The following TG variants were observed in gnomAD, a reference collection of about 807,000 sequenced individuals.
TG encodes the protein thyroglobulin.
Under a neutral mutation model 324.7 loss-of-function variants are expected in TG, and 270 were observed. The ratio of observed to expected loss-of-function variants is 0.83; its 90% CI spans 0.75 to 0.92. The LOEUF (loss-of-function observed/expected upper bound fraction) is 0.92, where lower values mean the gene tolerates loss of function less well. Among genes scored for constraint, TG ranks in the 40% least tolerant of loss-of-function variants. The pLI, the probability that TG is intolerant of heterozygous loss-of-function variation, is 0.00. For missense variants in TG, 3,591 were observed against 3,456.4 expected (o/e 1.04, Z -0.98); for synonymous variants, 1,401 against 1,327.0 (o/e 1.06, Z -1.21).
At chr8:132,898,735 G>A (rs1817497153) in intron 13 of TG, 63 bp from the exon 14 acceptor site, 1 of 1,473,290 alleles carries the variant, frequency 6.8e-7, no homozygotes, top group Non-Finnish European at 9.5e-7. Context: ...GGGTCAGCCT[G>A]GGATCCCCTC....
rs116837577 is a variant in TG at position 132,964,625 on chromosome 8, A to G, written c.5548+1551A>G. ...TGGTCTCATTGCTTTTAAGGAGGGC[A>G]CATAGTTTTAAGAGAAATAGGAAAT... On this transcript the variant is annotated intron_variant, in intron 29 of 47. Coordinates refer to ENST00000220616, the MANE Select transcript of TG (RefSeq NM_003235.5). 7.1e-6 allele frequency: 3 copies of G among 420,930 alleles called. No individual in the cohort carries two copies. The Admixed American group carries it at 1.2e-4, about 17-fold the overall frequency. The allele number at this position is 420,930 out of a possible 1,614,324, so 26.1% of individuals were successfully genotyped here.
chr8:133,059,107 C>T lies in TG; in HGVS notation c.7239+29084C>T, dbSNP rs575571243. The T allele has an allele frequency of 4.5e-3, 2,065 of 456,320 alleles. 12 individuals are homozygous for T. The highest frequency in any genetic ancestry group is 6.9e-3 in the Non-Finnish European group (1,568 of 226,982). 28.3% of individuals were successfully genotyped at this position (456,320 alleles called of 1,614,324 possible). ...TGGCTCAGTCCACTTCCCTGTCAGG[C>T]TCGGCAGACAGGGCAGCCATCTGCG... is the stretch of plus-strand genomic sequence containing the variant. On this transcript the variant is annotated intron_variant, in intron 41 of 47. Transcript: ENST00000220616.
chr8:132,952,648 A>G (rs142293818), intron 27 of TG, among the ~76,000 whole-genome samples: 11 of 152,360 alleles, frequency 7.2e-5, no homozygotes, highest in African/African-American at 2.6e-4. Context: ...ATTGATTGCC[A>G]GGTGTAGGAA....
At position 132,888,035 on chromosome 8, in the gene TG, A is replaced by C. The variant is rs1268028256; in HGVS notation, c.2228A>C (p.Gln743Pro). The C allele has an allele frequency of 1.9e-6, 3 of 1,614,014 alleles. No homozygotes were observed. The highest frequency in any genetic ancestry group is 1.7e-5 in the Admixed American group (1 of 59,996). The change falls in exon 10 of 48, where the codon CAG becomes CCG. Residue 743 changes from glutamine (Q) to proline (P), a missense_variant. Transcript: ENST00000220616. The stretch of plus-strand genomic sequence containing the variant: ...GAGCAAGCTTTCCTCAGGACGGTGC[A>C]GGCCCTGCTCTCTAACTCCAGCATG... ...QSEQAFLRTV[Q>P]ALLSNSSMLP... is the part of the protein sequence containing the mutation.
In TG at chr8:132,887,135, C is replaced by G; in HGVS notation, c.1763C>G (p.Pro588Arg). 6.2e-7 allele frequency: 1 copy of G among 1,614,194 alleles called. No individual in the cohort carries two copies. Among genetic ancestry groups the G allele is most frequent in the Non-Finnish European group, 8.5e-7 (1 of 1,180,038 alleles). The change falls in exon 9 of 48, where the codon CCA becomes CGA. Residue 588 changes from proline (P) to arginine (R), a missense_variant. Coordinates refer to ENST00000220616, the MANE Select transcript of TG (RefSeq NM_003235.5). Reference protein sequence around the residue: ...LLFLQHAISVPEDVARDLGDV... With the variant: ...LLFLQHAISVREDVARDLGDV... ...TTCTTGCAACATGCTATCTCTGTGCCAGAAGATGTGGCAAGAGATTTAGGT... is the reference window on the plus strand; with the variant it reads ...TTCTTGCAACATGCTATCTCTGTGCGAGAAGATGTGGCAAGAGATTTAGGT...
At chr8:132,960,525 G>A (rs1031163689) in intron 27 of TG, among the ~76,000 whole-genome samples, 11 of 152,220 alleles carry the variant, frequency 7.2e-5, no homozygotes, top group Non-Finnish European at 1.5e-4. Flanking sequence ...ATTATTAATC[G>A]GTTGAGTTGT....
rs374714835 is a variant in TG at position 132,908,270 on chromosome 8, C to T, written c.3932C>T (p.Ala1311Val). Residue 1311 changes from alanine (A) to valine (V), a missense_variant, in exon 18 of 48, where the codon GCG becomes GTG. Transcript: ENST00000220616. ...GGCAAGATGTGCAGTGCTGACTACG[C>T]GGATTTGCTGCAGACTTTCCAGGTT... ...PPGKMCSADY[A>V]DLLQTFQVFI... 113 of 1,613,866 alleles carry T rather than the reference C, an allele frequency of 7.0e-5. No individual in the cohort carries two copies. The highest frequency in any genetic ancestry group is 2.6e-4 in the South Asian group (24 of 91,058).
chr8:132,939,781 A>T (rs1216968516), intron 25 of TG, among the ~76,000 whole-genome samples: 1 of 151,550 alleles, frequency 6.6e-6, no homozygotes. Context: ...GGTTGAAGGG[A>T]TTCTCCTGCC....
chr8:132,993,380 G>C (rs926705926), intron 35 of TG, among the ~76,000 whole-genome samples: 5 of 152,154 alleles, frequency 3.3e-5, no homozygotes, highest in Non-Finnish European at 5.9e-5. Flanking sequence ...ATGTGACCTT[G>C]GCCAGTTTAA....
At chr8:133,130,679 C>A (rs1287221122) in intron 45 of TG, among the ~76,000 whole-genome samples, 2 of 152,172 alleles carry the variant, frequency 1.3e-5, no homozygotes, top group Non-Finnish European at 2.9e-5. Context: ...AGACCACTCA[C>A]CCTTTGATTT....
intron 35 of TG, among the ~76,000 whole-genome samples, chr8:133,010,163 A>G (rs1311179273): frequency 6.6e-6 from 1 of 152,172 alleles, no homozygotes; most frequent in African/African-American, 2.4e-5. Context: ...GAGCCAAGAC[A>G]TCTGATTCTC....
chr8:133,055,287 G>A (rs2702969), intron 41 of TG, among the ~76,000 whole-genome samples: 1 of 151,270 alleles, frequency 6.6e-6, no homozygotes, highest in Non-Finnish European at 1.5e-5. Flanking sequence ...TGGAGTCATG[G>A]CTAAACTCAT....
intron 41 of TG, 66 bp from the exon 42 acceptor site, chr8:133,094,978 G>T: frequency 6.2e-7 from 1 of 1,608,068 alleles, no homozygotes; most frequent in African/African-American, 1.3e-5. Flanking sequence ...TGGCACTGAG[G>T]ACTCCAGGTG....
chr8:133,015,418 G>A (rs1587767137), intron 37 of TG, among the ~76,000 whole-genome samples: 1 of 152,170 alleles, frequency 6.6e-6, no homozygotes. Flanking sequence ...AGGTAGTCAC[G>A]TGGCCTCTGT....
chr8:133,057,907 G>A (rs1166950360), intron 41 of TG, among the ~76,000 whole-genome samples: 1 of 152,184 alleles, frequency 6.6e-6, no homozygotes, highest in Non-Finnish European at 1.5e-5. Flanking sequence ...CTGGCCTCTG[G>A]GTGATCCTTG....
At chr8:132,968,131 A>G (rs2130474423) in intron 31 of TG, among the ~76,000 whole-genome samples, 161 bp downstream of exon 31, 1 of 152,364 alleles carries the variant, frequency 6.6e-6, no homozygotes, top group Admixed American at 6.5e-5. Context: ...TCACGGTTAG[A>G]ATCAATAAAC....
At chr8:133,038,425 A>G in intron 41 of TG, 1 of 892,126 alleles carries the variant, frequency 1.1e-6, no homozygotes, top group East Asian at 2.4e-5. Flanking sequence ...AAAATACGTG[A>G]GGCTCCCAGG....
At chr8:132,919,583 C>T in intron 21 of TG, 58 bp downstream of exon 21, 1 of 1,603,410 alleles carries the variant, frequency 6.2e-7, no homozygotes, top group South Asian at 1.1e-5. Flanking sequence ...TGGAACTCAA[C>T]AGGGTTTCCC....
Position 133,050,950 on chromosome 8 carries a change from G to A in TG, c.7239+20927G>A, listed in dbSNP as rs761968273. On this transcript the variant is annotated intron_variant, in intron 41 of 47. Transcript: ENST00000220616. ...CAAAGGCAAGGGGGAAGGGGGCAAG[G>A]TGCTTTTTATTCACAAGGAGCTTAA... 2.1e-5 allele frequency: 27 copies of A among 1,308,822 alleles called. No homozygotes were observed. The Admixed American group carries it at 4.6e-4, about 22-fold the overall frequency. 81.1% of individuals were successfully genotyped at this position (1,308,822 alleles called of 1,614,324 possible).
Sources: allele counts gnomAD v4.1 joint callset (sites outside exome capture counted in the v4.1 genomes callset), GRCh38; gene constraint gnomAD v4.1.1; transcripts MANE v1.5; gene names NCBI Gene and HGNC (gene_info 2026-07-23, HGNC 2026-07-21).